APLP2: variants seen among roughly 807,000 people sequenced by gnomAD.
APLP2 encodes the protein amyloid beta precursor like protein 2, also known as CDEI box-binding protein.
Under a neutral mutation model 89.9 loss-of-function variants are expected in APLP2, and 53 were observed. That is an observed-to-expected ratio of 0.59 (90% CI 0.47 to 0.74). APLP2 has a LOEUF of 0.74. Among genes scored for constraint, APLP2 ranks in the 30% least tolerant of loss-of-function variants. The pLI, the probability that APLP2 is intolerant of heterozygous loss-of-function variation, is 0.00. For synonymous variants in APLP2, 372 were observed against 348.6 expected (o/e 1.07, Z -0.75); for missense variants, 973 against 975.9 (o/e 1.00, Z 0.04).
chr11:130,120,973 T>G, intron 4 of APLP2, 155 bp downstream of exon 4: 3 of 646,640 alleles, frequency 4.6e-6, no homozygotes, highest in African/African-American at 1.8e-5. Context: ...GTTAGAAATA[T>G]TTGGGAGAGA....
chr11:130,070,738 C>T lies in APLP2; in HGVS notation c.105+656C>T, dbSNP rs775066268. ...TGCCTGCGTCCGTAGACCGAGGAAA[C>T]CCGCTCTGGGTGCGTTGACCGCTTT... On this transcript the variant is annotated intron_variant, in intron 1 of 16. Coordinates refer to ENST00000338167, the MANE Select transcript of APLP2 (RefSeq NM_001142276.2). The T allele has an allele frequency of 4.1e-6, 6 of 1,456,226 alleles. No individual in the cohort carries two copies. The East Asian group carries it at 9.0e-5, about 22-fold the overall frequency. The allele number at this position is 1,456,226 out of a possible 1,614,324, so 90.2% of individuals were successfully genotyped here. A position where few individuals can be genotyped will look rare whatever the true frequency, so the allele number is the denominator to read the frequency against.
At chr11:130,116,430 C>T (rs968006572) in intron 3 of APLP2, among the ~76,000 whole-genome samples, 1 of 152,162 alleles carries the variant, frequency 6.6e-6, no homozygotes, top group African/African-American at 2.4e-5. Flanking sequence ...ATATTAATAA[C>T]ACTAATGAAT....
chr11:130,094,332 T>C (rs1315644873), intron 1 of APLP2, among the ~76,000 whole-genome samples: 4 of 151,902 alleles, frequency 2.6e-5, no homozygotes, highest in African/African-American at 9.7e-5. Flanking sequence ...GGATTACAGG[T>C]GTGAGCCACA....
At chr11:130,102,005 G>C (rs1354220684) in intron 1 of APLP2, 1 of 455,640 alleles carries the variant, frequency 2.2e-6, no homozygotes, top group African/African-American at 2.0e-5. Context: ...ATTAATGTAG[G>C]TGTCTGATGT....
intron 1 of APLP2, among the ~76,000 whole-genome samples, chr11:130,102,953 C>T (rs982796433): frequency 1.3e-5 from 2 of 152,180 alleles, no homozygotes; most frequent in African/African-American, 4.8e-5. Flanking sequence ...AAAAGTGCTG[C>T]AGTATGCATA....
intron 1 of APLP2, among the ~76,000 whole-genome samples, chr11:130,096,385 C>T (rs1946213109): frequency 6.6e-6 from 1 of 152,144 alleles, no homozygotes; most frequent in South Asian, 2.1e-4. Context: ...GAGACTGGAT[C>T]CTGGAGGGCT....
rs563630660 is a variant in APLP2 at position 130,141,991 on chromosome 11, G to A, written c.2071G>A (p.Val691Met). The stretch of plus-strand genomic sequence containing the variant: ...TCTCATTGGCCTGCTGGTCATCGCA[G>A]TGGCCATTGCCACGGTCATCGTCAT... ...SALIGLLVIA[V>M]AIATVIVISL... is the part of the protein sequence containing the mutation. Residue 691 changes from valine (V) to methionine (M), a missense_variant, in exon 16 of 17, where the codon GTG (valine) becomes ATG (methionine). By Grantham distance (21) the Val-to-Met change is conservative. Coordinates refer to ENST00000338167, the MANE Select transcript of APLP2 (RefSeq NM_001142276.2). This position sits in a 1 kb window ranked among gnomAD's most constrained non-coding sequence, Gnocchi z 4.2. 1.2e-4 allele frequency: 191 copies of A among 1,614,098 alleles called. 3 individuals are homozygous for A. The South Asian group carries it at 2.0e-3, about 17-fold the overall frequency.
intron 1 of APLP2, chr11:130,070,544 C>T (rs1940786141): frequency 7.8e-7 from 1 of 1,278,262 alleles, no homozygotes. Flanking sequence ...CCGGGCCTCC[C>T]ACCTGCGAGC....
rs564489378 is a variant in APLP2, at chr11:130,140,591, G to A, written c.1923+108G>A. The A allele has an allele frequency of 3.9e-3, 3,433 of 877,236 alleles. 21 individuals carry two copies. The highest frequency in any genetic ancestry group is 6.1e-3 in the South Asian group (308 of 50,466). 54.3% of individuals were successfully genotyped at this position (877,236 alleles called of 1,614,324 possible). ...GTGCACGTCTCTGTGTTCGTTTTCC[G>A]CACAGTAGAAGGTTGGAGGGCTCCA... is the stretch of plus-strand genomic sequence containing the variant. On this transcript the variant is annotated intron_variant, in intron 14 of 16. Transcript: ENST00000338167.
chr11:130,123,671 T>C lies in APLP2; in HGVS notation c.982T>C (p.Phe328Leu). The C allele has an allele frequency of 6.2e-7, 1 of 1,614,282 alleles. No homozygotes were observed. Residue 328 changes from phenylalanine (F) to leucine (L), a missense_variant, in exon 7 of 17, where the codon TTC becomes CTC. Transcript: ENST00000338167. This position sits in a 1 kb window ranked among gnomAD's most constrained non-coding sequence, Gnocchi z 4.0. ...CCGGGCCGTGATGCCTCGTTGGTACTTCGACCTCTCCAAGGGAAAGTGCGT... is the reference window on the plus strand; with the variant it reads ...CCGGGCCGTGATGCCTCGTTGGTACCTCGACCTCTCCAAGGGAAAGTGCGT... The part of the protein sequence containing the change: ...PCRAVMPRWY[F>L]DLSKGKCVRF...
chr11:130,083,021 C>CTTTTTTTT lies in APLP2; in HGVS notation c.105+12943_105+12944insTTTTTTTT, dbSNP rs1469566240. 3.6e-4 allele frequency among the ~76,000 whole-genome samples: 29 copies of CTTTTTTTT among 79,974 alleles called. 1 individual carries two copies. The highest frequency in any genetic ancestry group is 1.1e-3 in the African/African-American group (21 of 19,636). 52.5% of individuals were successfully genotyped at this position (79,974 alleles called of 152,430 possible). On this transcript the variant is annotated intron_variant, in intron 1 of 16. Transcript: ENST00000338167. ...AAATATATTAACCACTGAAACTTTT[C>CTTTTTTTT]TTTTCTTTTTTTTTTTTTTTTTTTT...
intron 13 of APLP2, among the ~76,000 whole-genome samples, chr11:130,138,369 G>C (rs1415417059): frequency 1.3e-5 from 2 of 152,150 alleles, no homozygotes; most frequent in East Asian, 3.8e-4. Context: ...GGGGATGACT[G>C]TGCCGACATT....
chr11:130,081,149 A>T lies in APLP2; in HGVS notation c.105+11067A>T, dbSNP rs1315313202. ...GTAGATTCCCCCTTATGTGTGTATA[A>T]CCCGTTTTTTCCTTCATTTAACATA... is the stretch of plus-strand genomic sequence containing the variant. On this transcript the variant is annotated intron_variant, in intron 1 of 16. Coordinates refer to ENST00000338167, the MANE Select transcript of APLP2 (RefSeq NM_001142276.2). Among the ~76,000 whole-genome samples, 3 of 152,134 alleles carry T rather than the reference A, an allele frequency of 2.0e-5. No individual in the cohort carries two copies. In the East Asian group the frequency reaches 5.8e-4, roughly 29 times the overall value.
rs575143753 is a variant in APLP2, at chr11:130,111,912, C to G, written c.403+1251C>G. ...TAGAAAGTGCTTGAAATCGTTCCTT[C>G]TGCATTGCTCCCCCTAAAGACTTTG... On this transcript the variant is annotated intron_variant, in intron 3 of 16. Transcript: ENST00000338167. Among the ~76,000 whole-genome samples, 3 of 152,342 alleles carry G rather than the reference C, an allele frequency of 2.0e-5. No homozygotes were observed. The East Asian group carries it at 5.8e-4, about 29-fold the overall frequency.
chr11:130,110,494 G>T, intron 2 of APLP2, 44 bp from the exon 3 acceptor site: 2 of 1,606,294 alleles, frequency 1.2e-6, no homozygotes, highest in East Asian at 2.2e-5. Flanking sequence ...GTGTGTGTCT[G>T]TCTGCAGATT....
chr11:130,088,241 A>G (rs1355179067), intron 1 of APLP2, among the ~76,000 whole-genome samples: 1 of 152,200 alleles, frequency 6.6e-6, no homozygotes. Context: ...TAGGACAAGG[A>G]AAGGATGGTT....
chr11:130,134,287 T>C (rs995607251), intron 12 of APLP2, among the ~76,000 whole-genome samples: 3 of 152,182 alleles, frequency 2.0e-5, no homozygotes, highest in Non-Finnish European at 4.4e-5. Flanking sequence ...GGCAGAGTGC[T>C]AGAGAGTGGC....
chr11:130,130,539 CTT>C (rs1247253220), intron 11 of APLP2, among the ~76,000 whole-genome samples: 1 of 152,184 alleles, frequency 6.6e-6, no homozygotes, highest in Non-Finnish European at 1.5e-5. Context: ...TAGACAGACA[CTT>C]TTACATTCCT....
chr11:130,090,600 G>T (rs1944817111), intron 1 of APLP2, among the ~76,000 whole-genome samples: 1 of 151,700 alleles, frequency 6.6e-6, no homozygotes, highest in East Asian at 1.9e-4. Context: ...AGATCAACAG[G>T]ATCCCAAGGC....
Sources: allele counts gnomAD v4.1 joint callset (sites outside exome capture counted in the v4.1 genomes callset), GRCh38; gene constraint gnomAD v4.1.1; non-coding constraint Gnocchi (gnomAD v3.1); transcripts MANE v1.5; gene names NCBI Gene and HGNC (gene_info 2026-07-23, HGNC 2026-07-21).